Variants in LRBA observed in about 807,000 individuals in gnomAD.
LRBA encodes LPS responsive beige-like anchor protein.
A neutral mutation model predicts 330.0 loss-of-function variants in LRBA; 176 were observed. The ratio of observed to expected loss-of-function variants is 0.53; its 90% CI spans 0.47 to 0.60. The LOEUF is 0.60. Ranked by LOEUF, LRBA falls within the 20% of genes least tolerant of loss-of-function variation. LRBA has a pLI of 0.00. For synonymous variants in LRBA, 1,230 were observed against 1,193.0 expected, an observed-to-expected ratio of 1.03 and a Z score of -0.64; for missense variants, 3,259 against 3,444.8, an observed-to-expected ratio of 0.95 and a Z score of 1.35.
intron 22 of LRBA, among the ~76,000 whole-genome samples, chr4:150,865,827 T>A (rs1261391375): frequency 6.6e-6 from 1 of 151,918 alleles, no homozygotes; most frequent in Non-Finnish European, 1.5e-5. Context: ...GCAATTCTCC[T>A]GCCTCGGCCC....
intron 37 of LRBA, among the ~76,000 whole-genome samples, chr4:150,601,230 TG>T (rs1774078998): frequency 6.6e-6 from 1 of 152,228 alleles, no homozygotes; most frequent in Non-Finnish European, 1.5e-5. Context: ...TTCTACATTT[TG>T]AGTCAAATTA....
rs201176491 is a variant in LRBA, at chr4:150,590,714, G to A, written c.6192C>T (p.Ala2064=). The stretch of plus-strand genomic sequence containing the variant: ...TATCTGCACAACCACCAAATTTACC[G>A]GCAAGATTCTCTAAATCTTTCTCAT... ...SVDEKDLENL[A]GPVSLSTPAQ... The change falls in exon 39 of 57, where the codon GCC becomes GCT. Residue 2064 remains alanine, a splice_region_variant and synonymous_variant. Coordinates refer to ENST00000651943, the MANE Select transcript of LRBA (RefSeq NM_001364905.1). The A allele has an allele frequency of 6.0e-5, 97 of 1,612,648 alleles. No individual in the cohort carries two copies. In the Middle Eastern group the frequency reaches 1.2e-3, roughly 19 times the overall value.
Position 150,905,822 on chromosome 4 carries a change from T to G in LRBA, c.1755+16A>C. The stretch of plus-strand genomic sequence containing the variant: ...CAAAGATAGTAAAACAATATCAATA[T>G]ATAGATATATATTACCTTGGCTGGG... On this transcript the variant is annotated intron_variant, in intron 13 of 56. Coordinates refer to ENST00000651943, the MANE Select transcript of LRBA (RefSeq NM_001364905.1). The G allele has an allele frequency of 1.3e-6, 2 of 1,595,714 alleles. No homozygotes were observed. The highest frequency in any genetic ancestry group is 1.7e-6 in the Non-Finnish European group (2 of 1,167,914).
chr4:150,406,223 ATAAT>A (rs1277865739), intron 47 of LRBA, among the ~76,000 whole-genome samples: 2 of 152,184 alleles, frequency 1.3e-5, no homozygotes, highest in Admixed American at 6.6e-5. Context: ...ACTAAAGAAA[ATAAT>A]TAATAAAATG....
intron 47 of LRBA, among the ~76,000 whole-genome samples, chr4:150,356,240 T>C (rs1737828680): frequency 6.6e-6 from 1 of 152,090 alleles, no homozygotes; most frequent in Admixed American, 6.6e-5. Context: ...ATTTCACTTC[T>C]AAGATGTAAA....
At chr4:151,007,584 G>C (rs185731204) in intron 2 of LRBA, among the ~76,000 whole-genome samples, 1 of 151,510 alleles carries the variant, frequency 6.6e-6, no homozygotes, top group East Asian at 2.0e-4. Context: ...TAGGCCGGGC[G>C]CGGTGTCTCA....
intron 40 of LRBA, among the ~76,000 whole-genome samples, chr4:150,541,110 A>G (rs560918981): frequency 4.5e-4 from 68 of 152,296 alleles, no homozygotes; most frequent in African/African-American, 1.6e-3. Context: ...CAGTTACTGG[A>G]TTTAGTCAGT....
In LRBA at chr4:150,952,276, A is replaced by C. The variant is rs193216653; in HGVS notation, c.217-23211T>G. Among the ~76,000 whole-genome samples the C allele has an allele frequency of 7.2e-4, 109 of 150,646 alleles. 1 individual carries two copies. The highest frequency in any genetic ancestry group is 1.0e-4 in the Non-Finnish European group (7 of 67,680). On this transcript the variant is annotated intron_variant, in intron 2 of 56. Transcript: ENST00000651943. ...TATATGTGTGTGTGTGTGTGTGTGT[A>C]TGTCTATAGAGAGAGAGATAGGTAG...
At chr4:150,383,027 ATATT>A (rs1450157638) in intron 47 of LRBA, among the ~76,000 whole-genome samples, 3 of 152,296 alleles carry the variant, frequency 2.0e-5, no homozygotes, top group Admixed American at 6.5e-5. Context: ...AGGTTTATGA[ATATT>A]TATTTGTTTT....
intron 4 of LRBA, among the ~76,000 whole-genome samples, chr4:150,924,471 C>G (rs1733667601): frequency 6.6e-6 from 1 of 151,964 alleles, no homozygotes; most frequent in African/African-American, 2.4e-5. Flanking sequence ...GAGATAGCAC[C>G]ACTGTACTCC....
chr4:150,592,152 T>TTG (rs1326147365), intron 38 of LRBA, among the ~76,000 whole-genome samples: 1 of 135,962 alleles, frequency 7.4e-6, no homozygotes. Context: ...GGGTTTTTTT[T>TTG]TTTTTTTTTT....
intron 4 of LRBA, among the ~76,000 whole-genome samples, chr4:150,928,168 C>A (rs933504322): frequency 1.3e-5 from 2 of 152,156 alleles, no homozygotes; most frequent in African/African-American, 4.8e-5. Flanking sequence ...CAAGTTTAAG[C>A]CACTCAGATA....
chr4:150,961,583 T>C (rs1738152445), intron 2 of LRBA, among the ~76,000 whole-genome samples: 1 of 149,230 alleles, frequency 6.7e-6, no homozygotes, highest in South Asian at 2.1e-4. Flanking sequence ...TTAGAAAGGT[T>C]AGGAGGATAG....
chr4:150,388,762 T>C (rs138903847), intron 47 of LRBA, among the ~76,000 whole-genome samples: 608 of 152,320 alleles, frequency 4.0e-3, no homozygotes, highest in Non-Finnish European at 4.9e-3. Context: ...GACTTTATCA[T>C]CAACCACTGT....
At chr4:150,730,139 A>G (rs1029056035) in intron 36 of LRBA, among the ~76,000 whole-genome samples, 2 of 152,230 alleles carry the variant, frequency 1.3e-5, no homozygotes, top group Non-Finnish European at 2.9e-5. Context: ...GCAAAAATGA[A>G]TAAATGGGAT....
At chr4:150,305,383 T>C (rs1052147680) in intron 52 of LRBA, among the ~76,000 whole-genome samples, 4 of 152,192 alleles carry the variant, frequency 2.6e-5, no homozygotes, top group African/African-American at 9.6e-5. Flanking sequence ...CTTTTCAAAA[T>C]TTTTAGTGTT....
At chr4:150,422,920 C>A in intron 46 of LRBA, 1 of 806,026 alleles carries the variant, frequency 1.2e-6, no homozygotes, top group Non-Finnish European at 2.3e-6. Flanking sequence ...GGGATGGATG[C>A]CAGCTCTGTA....
At chr4:150,635,262 C>A (rs986887599) in intron 37 of LRBA, among the ~76,000 whole-genome samples, 2 of 152,204 alleles carry the variant, frequency 1.3e-5, no homozygotes, top group African/African-American at 4.8e-5. Flanking sequence ...AAACCATCAC[C>A]TATGTGACAA....
intron 40 of LRBA, among the ~76,000 whole-genome samples, chr4:150,565,367 A>C (rs925491204): frequency 6.6e-6 from 1 of 152,148 alleles, no homozygotes; most frequent in Non-Finnish European, 1.5e-5. Context: ...GGGGAGGAAG[A>C]GTATGAGGAC....
Sources: allele counts gnomAD v4.1 joint callset (sites outside exome capture counted in the v4.1 genomes callset), GRCh38; gene constraint gnomAD v4.1.1; transcripts MANE v1.5; gene names NCBI Gene and HGNC (gene_info 2026-07-23, HGNC 2026-07-21).